Variants in TRIM2 observed in about 807,000 individuals in gnomAD.
TRIM2 encodes tripartite motif-containing protein 2.
A neutral mutation model predicts 75.2 loss-of-function variants in TRIM2; 20 were observed. The observed-to-expected ratio is 0.27, with a 90% CI of 0.19 to 0.39. The LOEUF is 0.39. Ranked by LOEUF, TRIM2 falls within the 10% of genes least tolerant of loss-of-function variation. The pLI is 1.00. For missense variants in TRIM2, 660 were observed against 990.8 expected (o/e 0.67, Z 4.48); for synonymous variants, 373 against 388.3 (o/e 0.96, Z 0.46).
In TRIM2 at chr4:153,211,175, G is replaced by A. The variant is rs550804928; in HGVS notation, c.30+6615G>A. Among the ~76,000 whole-genome samples the A allele has an allele frequency of 1.2e-4, 18 of 152,294 alleles. No individual in the cohort carries two copies. The South Asian group carries it at 3.5e-3, about 30-fold the overall frequency. ...GGTGGTGTCTCAAGCTTCCAGGTGT[G>A]GTTTTGGGGGCAGGGTCCTTGAGGA... On this transcript the variant is annotated intron_variant, in intron 1 of 11. Coordinates refer to ENST00000338700, the MANE Select transcript of TRIM2 (RefSeq NM_015271.5).
intron 1 of TRIM2, among the ~76,000 whole-genome samples, chr4:153,234,003 G>T (rs1393743346): frequency 6.6e-6 from 1 of 152,130 alleles, no homozygotes; most frequent in African/African-American, 2.4e-5. Context: ...AGCAATTTTA[G>T]AACTAACAAC....
intron 1 of TRIM2, among the ~76,000 whole-genome samples, chr4:153,173,644 C>A (rs1731106263): frequency 6.7e-6 from 1 of 149,544 alleles, no homozygotes; most frequent in African/African-American, 2.5e-5. Context: ...GCCTGGACGA[C>A]AAGAGCAAAA....
intron 1 of TRIM2, among the ~76,000 whole-genome samples, chr4:153,226,690 G>A (rs187780556): frequency 1.3e-3 from 200 of 152,274 alleles, no homozygotes; most frequent in Non-Finnish European, 1.9e-3. Context: ...GAGGACTAGC[G>A]TTTTAGTACT....
At chr4:153,298,978 A>G (rs1317427068) in intron 6 of TRIM2, among the ~76,000 whole-genome samples, 2 of 151,708 alleles carry the variant, frequency 1.3e-5, no homozygotes, top group Non-Finnish European at 2.9e-5. Flanking sequence ...GACTCAAACA[A>G]TCTCCCCATC....
At position 153,244,402 on chromosome 4, in the gene TRIM2, C is replaced by A. The variant is rs1472579196; in HGVS notation, c.31-25933C>A. Among the ~76,000 whole-genome samples, 4 of 84,594 alleles carry A rather than the reference C, an allele frequency of 4.7e-5. 1 individual carries two copies. Among genetic ancestry groups the A allele is most frequent in the South Asian group, 3.2e-4 (1 of 3,126 alleles). The allele number at this position is 84,594 out of a possible 152,430, so 55.5% of individuals were successfully genotyped here. ...TCTTCTTCTTCTTCTTCTTCTTCTT[C>A]TTCTTCTTCTTCTTCTTCTTCTTCT... On this transcript the variant is annotated intron_variant, in intron 1 of 11. Transcript: ENST00000338700.
intron 1 of TRIM2, among the ~76,000 whole-genome samples, chr4:153,244,411 C>CT (rs1368295906): frequency 2.2e-5 from 2 of 89,818 alleles, no homozygotes; most frequent in South Asian, 3.0e-4. Context: ...TCTTCTTCTT[C>CT]TTCTTCTTCT....
intron 8 of TRIM2, among the ~76,000 whole-genome samples, chr4:153,317,655 G>GAA (rs11316229): frequency 3.8e-5 from 5 of 130,362 alleles, no homozygotes; most frequent in African/African-American, 1.1e-4. Flanking sequence ...GTCTCAAAAA[G>GAA]AAAAAAAAAA....
intron 1 of TRIM2, among the ~76,000 whole-genome samples, chr4:153,242,882 A>G (rs900354819): frequency 9.2e-5 from 14 of 152,228 alleles, no homozygotes; most frequent in African/African-American, 3.1e-4. Flanking sequence ...TTCTTTGTCT[A>G]TACAATGGTG....
intron 1 of TRIM2, among the ~76,000 whole-genome samples, chr4:153,178,222 T>C (rs1731675992): frequency 6.6e-6 from 1 of 152,004 alleles, no homozygotes; most frequent in Non-Finnish European, 1.5e-5. Flanking sequence ...TGTCTCGTAA[T>C]GCAGCTCGGT....
rs145523068 is a variant in TRIM2 at position 153,213,702 on chromosome 4, A to G, written c.30+9142A>G. Among the ~76,000 whole-genome samples, 112 of 152,104 alleles carry G rather than the reference A, an allele frequency of 7.4e-4. 1 individual carries two copies. Among genetic ancestry groups the G allele is most frequent in the East Asian group, 7.2e-3 (37 of 5,164 alleles). Reference sequence around the variant, plus strand: ...GCCACCATGGCTGGCTGACTTTTGTATTTTTAGTAGAGACGGGTTTCACCA... The same window carrying G: ...GCCACCATGGCTGGCTGACTTTTGTGTTTTTAGTAGAGACGGGTTTCACCA... On this transcript the variant is annotated intron_variant, in intron 1 of 11. Coordinates refer to ENST00000338700, the MANE Select transcript of TRIM2 (RefSeq NM_015271.5).
chr4:153,320,537 C>G (rs1328200264), intron 8 of TRIM2, among the ~76,000 whole-genome samples: 1 of 152,222 alleles, frequency 6.6e-6, no homozygotes, highest in Non-Finnish European at 1.5e-5. Context: ...TTCCAGAAGT[C>G]TATGTACATA....
At chr4:153,257,636 T>TG in intron 1 of TRIM2, 1 of 1,260,844 alleles carries the variant, frequency 7.9e-7, no homozygotes, top group Non-Finnish European at 1.0e-6. Context: ...TCTCTTTGCA[T>TG]GGTGCTTCCC....
chr4:153,277,533 G>T (rs1758303541), intron 3 of TRIM2, among the ~76,000 whole-genome samples: 1 of 152,178 alleles, frequency 6.6e-6, no homozygotes. Flanking sequence ...ATACATAGAA[G>T]TCAATAAATA....
In TRIM2 at chr4:153,320,239, A is replaced by G. The variant is rs558864950; in HGVS notation, c.1783-2409A>G. On this transcript the variant is annotated intron_variant, in intron 8 of 11. Transcript: ENST00000338700. ...AGCAGTTCCTCTTGCCAAGAAAACC[A>G]CTGTTTCTTTCCTAAGTAATTGTGT... 3.5e-4 allele frequency among the ~76,000 whole-genome samples: 53 copies of G among 152,328 alleles called. 1 individual carries two copies. Among genetic ancestry groups the G allele is most frequent in the South Asian group, 6.2e-4 (3 of 4,830 alleles).
At chr4:153,325,594 G>GT (rs758124723) in intron 10 of TRIM2, among the ~76,000 whole-genome samples, 4 of 152,184 alleles carry the variant, frequency 2.6e-5, no homozygotes, top group Admixed American at 2.6e-4. Flanking sequence ...GATAACACAG[G>GT]TTGTTCTCAT....
intron 9 of TRIM2, among the ~76,000 whole-genome samples, chr4:153,323,078 A>G (rs1370337200): frequency 6.6e-6 from 1 of 152,218 alleles, no homozygotes; most frequent in Non-Finnish European, 1.5e-5. Context: ...GCTTTGAAAT[A>G]TTCATATTAA....
chr4:153,329,559 G>T (rs898606212), intron 11 of TRIM2, among the ~76,000 whole-genome samples: 2 of 151,690 alleles, frequency 1.3e-5, no homozygotes, highest in Non-Finnish European at 2.9e-5. Context: ...TTAAAGGCTG[G>T]GCGCTGTGGC....
intron 4 of TRIM2, 81 bp downstream of exon 4, chr4:153,293,214 G>A (rs1762168549): frequency 6.5e-6 from 9 of 1,387,678 alleles, no homozygotes; most frequent in Non-Finnish European, 8.7e-6. Flanking sequence ...AGGTACAAGA[G>A]TAGGTTCATA....
chr4:153,181,792 G>A (rs961056563), intron 1 of TRIM2, among the ~76,000 whole-genome samples: 12 of 152,090 alleles, frequency 7.9e-5, no homozygotes, highest in African/African-American at 2.2e-4. Flanking sequence ...TTGGGTGCCC[G>A]TTCCCTGCCT....
Sources: gnomAD v4.1 joint callset for allele counts (sites outside exome capture counted in the v4.1 genomes callset) on GRCh38, gnomAD v4.1.1 for gene constraint, MANE v1.5 for transcripts, NCBI Gene and HGNC (gene_info 2026-07-23, HGNC 2026-07-21) for gene names.